NEDD4L: variants seen among roughly 807,000 people sequenced by gnomAD.
NEDD4L encodes E3 ubiquitin-protein ligase NEDD4-like.
Under a neutral mutation model 148.9 loss-of-function variants are expected in NEDD4L, and 54 were observed. The ratio of observed to expected loss-of-function variants is 0.36; its 90% CI spans 0.29 to 0.45. NEDD4L has a LOEUF of 0.45. Among genes scored for constraint, NEDD4L ranks in the 20% least tolerant of loss-of-function variants. The pLI is 1.00. For missense variants in NEDD4L, 856 were observed against 1,233.8 expected (o/e 0.69, Z 4.59); for synonymous variants, 433 against 440.7 (o/e 0.98, Z 0.22).
intron 4 of NEDD4L, among the ~76,000 whole-genome samples, chr18:58,250,352 G>A (rs897791070): frequency 6.6e-5 from 10 of 152,122 alleles, no homozygotes; most frequent in South Asian, 2.1e-4. Flanking sequence ...GTTTCACCAT[G>A]TTGGCCAGGC....
At chr18:58,301,222 C>T (rs1037111437) in intron 5 of NEDD4L, among the ~76,000 whole-genome samples, 3 of 152,170 alleles carry the variant, frequency 2.0e-5, no homozygotes, top group South Asian at 4.1e-4. Context: ...CAGTTTAGCC[C>T]AGAGTATCTG....
intron 2 of NEDD4L, among the ~76,000 whole-genome samples, chr18:58,184,923 A>G (rs930799090): frequency 3.4e-4 from 52 of 150,850 alleles, no homozygotes; most frequent in South Asian, 6.2e-4. Flanking sequence ...GCGAGACTCC[A>G]TCTCAAAAAA....
chr18:58,113,483 C>T (rs1275664774), intron 1 of NEDD4L, among the ~76,000 whole-genome samples: 1 of 152,064 alleles, frequency 6.6e-6, no homozygotes, highest in Admixed American at 6.5e-5. Flanking sequence ...CTTTTTGAAG[C>T]AGGAAAAATC....
At chr18:58,230,298 A>T (rs954713292) in intron 2 of NEDD4L, among the ~76,000 whole-genome samples, 1 of 152,178 alleles carries the variant, frequency 6.6e-6, no homozygotes, top group African/African-American at 2.4e-5. Context: ...ACACACAAGG[A>T]TATCAACTCT....
intron 1 of NEDD4L, among the ~76,000 whole-genome samples, chr18:58,156,332 T>C (rs1054379256): frequency 1.3e-5 from 2 of 152,240 alleles, no homozygotes; most frequent in African/African-American, 4.8e-5. Context: ...CAATTGGTTA[T>C]TGCATCCCTG....
intron 5 of NEDD4L, among the ~76,000 whole-genome samples, chr18:58,272,081 A>G (rs1205491588): frequency 6.6e-6 from 1 of 152,132 alleles, no homozygotes; most frequent in Non-Finnish European, 1.5e-5. Context: ...TTACTTCTGA[A>G]TTTTTCCACG....
chr18:58,248,050 A>G (rs1171131694), intron 3 of NEDD4L, among the ~76,000 whole-genome samples: 2 of 152,218 alleles, frequency 1.3e-5, no homozygotes, highest in African/African-American at 4.8e-5. Flanking sequence ...ATTGATAAAT[A>G]TCATTTTGAC....
intron 30 of NEDD4L, among the ~76,000 whole-genome samples, chr18:58,392,353 G>A (rs1457900408): frequency 6.6e-6 from 1 of 152,226 alleles, no homozygotes; most frequent in Non-Finnish European, 1.5e-5. Flanking sequence ...TGCAGCGGGG[G>A]CTGCAAAGCC....
intron 19 of NEDD4L, 107 bp downstream of exon 19, chr18:58,357,359 A>C (rs1256959114): frequency 9.9e-7 from 1 of 1,006,120 alleles, no homozygotes; most frequent in African/African-American, 1.6e-5. Flanking sequence ...ACGGTGATTG[A>C]GTAGTTGACT....
intron 2 of NEDD4L, among the ~76,000 whole-genome samples, chr18:58,180,515 G>A (rs533871188): frequency 3.9e-5 from 6 of 152,234 alleles, no homozygotes; most frequent in South Asian, 2.1e-4. Flanking sequence ...GTGCTTGGCC[G>A]ACTCCAGCGC....
At chr18:58,236,126 G>A (rs944218965) in intron 2 of NEDD4L, among the ~76,000 whole-genome samples, 10 of 152,120 alleles carry the variant, frequency 6.6e-5, no homozygotes, top group Admixed American at 3.9e-4. Flanking sequence ...GGAGGCAGAG[G>A]CAGGAAGATC....
intron 5 of NEDD4L, among the ~76,000 whole-genome samples, chr18:58,312,111 A>AT (rs2057769380): frequency 1.3e-5 from 2 of 152,202 alleles, no homozygotes; most frequent in Admixed American, 6.5e-5. Context: ...CGGAATATGA[A>AT]TTTTTGTTTC....
chr18:58,166,527 G>T (rs1385787576), intron 2 of NEDD4L, among the ~76,000 whole-genome samples: 1 of 152,204 alleles, frequency 6.6e-6, no homozygotes, highest in Non-Finnish European at 1.5e-5. Flanking sequence ...AGATTTTGGA[G>T]ACCAAAGATC....
intron 2 of NEDD4L, among the ~76,000 whole-genome samples, chr18:58,182,242 T>TG (rs1393007565): frequency 6.6e-6 from 1 of 151,920 alleles, no homozygotes. Context: ...CAGAGGAAAA[T>TG]GCGGGGCGGG....
At chr18:58,119,092 A>C (rs1024772821) in intron 1 of NEDD4L, among the ~76,000 whole-genome samples, 1 of 152,180 alleles carries the variant, frequency 6.6e-6, no homozygotes, top group African/African-American at 2.4e-5. Context: ...CCTTCTCTTT[A>C]ATCCAAGCCA....
intron 2 of NEDD4L, among the ~76,000 whole-genome samples, chr18:58,224,458 A>C (rs1358318741): frequency 6.6e-6 from 1 of 152,194 alleles, no homozygotes; most frequent in African/African-American, 2.4e-5. Flanking sequence ...ACTTCATTAG[A>C]GGAAATGGCG....
chr18:58,355,536 T>C (rs576089565), intron 18 of NEDD4L, among the ~76,000 whole-genome samples: 1 of 152,332 alleles, frequency 6.6e-6, no homozygotes, highest in South Asian at 2.1e-4. Context: ...TTGATGACAA[T>C]ATCCATTGAT....
chr18:58,169,434 C>T (rs76018654), intron 2 of NEDD4L, among the ~76,000 whole-genome samples: 4,797 of 151,912 alleles, frequency 0.032, 106 homozygotes, highest in Non-Finnish European at 0.046. Flanking sequence ...ATGGGACGTC[C>T]GGACATAAGA....
At chr18:58,233,198 A>G (rs559151567) in intron 2 of NEDD4L, among the ~76,000 whole-genome samples, 1 of 152,346 alleles carries the variant, frequency 6.6e-6, no homozygotes, top group South Asian at 2.1e-4. Context: ...GATGCTATGC[A>G]ATAATCAGAA....
Sources: gnomAD v4.1 joint callset for allele counts (sites outside exome capture counted in the v4.1 genomes callset) on GRCh38, gnomAD v4.1.1 for gene constraint, MANE v1.5 for transcripts, NCBI Gene and HGNC (gene_info 2026-07-23, HGNC 2026-07-21) for gene names.